Variants in CSMD3 observed in about 807,000 individuals in gnomAD.
CSMD3 encodes CUB and Sushi multiple domains 3, also known as CUB and sushi domain-containing protein 3.
In CSMD3, 177 loss-of-function variants were observed where a neutral mutation model predicts 435.2. The ratio of observed to expected loss-of-function variants is 0.41; its 90% CI spans 0.36 to 0.46. The LOEUF (loss-of-function observed/expected upper bound fraction) is 0.46, where lower values mean the gene tolerates loss of function less well. Ranked by LOEUF, CSMD3 falls within the 20% of genes least tolerant of loss-of-function variation. The pLI, the probability that CSMD3 is intolerant of heterozygous loss-of-function variation, is 0.34. For synonymous variants in CSMD3, 1,656 were observed against 1,520.5 expected (o/e 1.09, Z -2.07); for missense variants, 4,265 against 4,504.6 (o/e 0.95, Z 1.52).
chr8:113,109,366 G>A (rs2090571011), intron 4 of CSMD3, among the ~76,000 whole-genome samples: 1 of 152,124 alleles, frequency 6.6e-6, no homozygotes, highest in Non-Finnish European at 1.5e-5. Context: ...TGAGACTCAA[G>A]GTATCATTTG....
intron 10 of CSMD3, among the ~76,000 whole-genome samples, chr8:112,872,634 C>A (rs2081168742): frequency 6.6e-6 from 1 of 151,878 alleles, no homozygotes; most frequent in Non-Finnish European, 1.5e-5. Context: ...TACAGCGCTG[C>A]CTCCCTTTGC....
chr8:112,835,351 A>C (rs138761452), intron 11 of CSMD3, among the ~76,000 whole-genome samples: 1 of 152,006 alleles, frequency 6.6e-6, no homozygotes, highest in African/African-American at 2.4e-5. Context: ...CCCACTTAAT[A>C]CCCATTAACA....
intron 63 of CSMD3, among the ~76,000 whole-genome samples, chr8:112,250,658 A>C (rs1238743114): frequency 6.6e-6 from 1 of 151,706 alleles, no homozygotes; most frequent in Non-Finnish European, 1.5e-5. Flanking sequence ...AAATTCAAAA[A>C]ATTCTTGGAA....
At chr8:113,205,228 G>A (rs780246188) in intron 3 of CSMD3, among the ~76,000 whole-genome samples, 5 of 152,000 alleles carry the variant, frequency 3.3e-5, no homozygotes, top group South Asian at 2.1e-4. Context: ...GGTGATCCAC[G>A]TGCCTGGGCC....
chr8:112,337,453 T>C, intron 43 of CSMD3, 90 bp downstream of exon 43: 1 of 950,640 alleles, frequency 1.1e-6, no homozygotes, highest in Non-Finnish European at 1.7e-6. Flanking sequence ...TTTAGCATGC[T>C]ATTGGAAGAG....
At chr8:113,098,678 G>GTCCACA in intron 5 of CSMD3, 78 bp downstream of exon 5, 1 of 967,400 alleles carries the variant, frequency 1.0e-6, no homozygotes, top group Middle Eastern at 2.7e-4. Context: ...ACCTGTAAAA[G>GTCCACA]TCCACATTCA....
intron 13 of CSMD3, among the ~76,000 whole-genome samples, chr8:112,693,700 T>C (rs1287007570): frequency 1.3e-5 from 2 of 151,980 alleles, no homozygotes; most frequent in Non-Finnish European, 2.9e-5. Flanking sequence ...TTTTCAGTTC[T>C]AGGAAATTGT....
intron 35 of CSMD3, among the ~76,000 whole-genome samples, chr8:112,404,375 A>G (rs535216354): frequency 3.2e-4 from 48 of 152,160 alleles, no homozygotes; most frequent in South Asian, 8.3e-4. Context: ...TAAAAGATAG[A>G]AAAAATTAGC....
intron 45 of CSMD3, among the ~76,000 whole-genome samples, chr8:112,324,635 AGAG>A (rs1200772362): frequency 6.6e-6 from 1 of 151,592 alleles, no homozygotes; most frequent in African/African-American, 2.4e-5. Context: ...CTAGTGAGAG[AGAG>A]GAGGGATCGA....
intron 13 of CSMD3, among the ~76,000 whole-genome samples, chr8:112,750,101 T>A (rs545232044): frequency 7.9e-5 from 12 of 152,002 alleles, no homozygotes; most frequent in Non-Finnish European, 1.5e-4. Context: ...CGATGTAGAG[T>A]GTGGTCCCTA....
chr8:112,479,678 G>T (rs73700933), intron 31 of CSMD3, among the ~76,000 whole-genome samples: 2,654 of 152,246 alleles, frequency 0.017, 80 homozygotes, highest in African/African-American at 0.06. Flanking sequence ...CATAATCCTT[G>T]GCAGTTTTCA....
intron 9 of CSMD3, among the ~76,000 whole-genome samples, chr8:112,929,677 T>A (rs2083042193): frequency 6.6e-6 from 1 of 152,016 alleles, no homozygotes; most frequent in African/African-American, 2.4e-5. Flanking sequence ...TGTTATAAAG[T>A]AAGAAAAGGC....
intron 10 of CSMD3, among the ~76,000 whole-genome samples, chr8:112,920,565 T>C (rs542988678): frequency 3.9e-5 from 6 of 152,028 alleles, no homozygotes; most frequent in African/African-American, 1.4e-4. Flanking sequence ...CTCAATGATA[T>C]GGTTCTTGCA....
chr8:112,494,027 C>G (rs1398701666), intron 30 of CSMD3, among the ~76,000 whole-genome samples: 1 of 152,032 alleles, frequency 6.6e-6, no homozygotes, highest in Non-Finnish European at 1.5e-5. Context: ...CTACTACAAA[C>G]ATATTTTTAT....
chr8:113,212,143 G>C (rs2092843405), intron 3 of CSMD3, among the ~76,000 whole-genome samples: 1 of 152,080 alleles, frequency 6.6e-6, no homozygotes, highest in Non-Finnish European at 1.5e-5. Context: ...GTAAGATAAA[G>C]ATTCTATATG....
intron 4 of CSMD3, among the ~76,000 whole-genome samples, chr8:113,140,488 C>G (rs2091521883): frequency 6.6e-6 from 1 of 150,588 alleles, no homozygotes; most frequent in South Asian, 2.1e-4. Flanking sequence ...AAACATATGC[C>G]AAGGTAGATC....
chr8:112,588,464 GA>G (rs144212321), intron 22 of CSMD3, among the ~76,000 whole-genome samples: 21,544 of 144,284 alleles, frequency 0.15, 2,009 homozygotes, highest in Admixed American at 0.22. Flanking sequence ...TCCTTTTAAA[GA>G]AAAAAAAAAA....
chr8:112,957,909 A>T lies in CSMD3; in HGVS notation c.1343-3148T>A, dbSNP rs1394700940. Among the ~76,000 whole-genome samples the T allele has an allele frequency of 2.0e-5, 3 of 149,566 alleles. No homozygotes were observed. In the East Asian group the frequency reaches 6.0e-4, roughly 30 times the overall value. On this transcript the variant is annotated intron_variant, in intron 7 of 70. Coordinates refer to ENST00000297405, the MANE Select transcript of CSMD3 (RefSeq NM_198123.2). ...TACAAGCGCGCACCACCGCGCCCAG[A>T]TATTTTTTGTATTTTAGTAGAGACA...
chr8:113,397,948 C>T (rs1417816336), intron 1 of CSMD3, among the ~76,000 whole-genome samples: 1 of 151,966 alleles, frequency 6.6e-6, no homozygotes, highest in East Asian at 1.9e-4. Context: ...CCTAAGCAAG[C>T]TAGTTAATTG....
Sources: gnomAD v4.1 joint callset for allele counts (sites outside exome capture counted in the v4.1 genomes callset) on GRCh38, gnomAD v4.1.1 for gene constraint, MANE v1.5 for transcripts, NCBI Gene and HGNC (gene_info 2026-07-23, HGNC 2026-07-21) for gene names.